The following PLSCR5 variants were observed in gnomAD, a reference collection of about 807,000 sequenced individuals.
PLSCR5 encodes the protein phospholipid scramblase family member 5.
A neutral mutation model predicts 33.6 loss-of-function variants in PLSCR5; 44 were observed. That is an observed-to-expected ratio of 1.31 (90% CI 1.03 to 1.69). The LOEUF (loss-of-function observed/expected upper bound fraction) is 1.69. PLSCR5 is among the 40% of genes most tolerant of loss of function. The pLI, the probability that PLSCR5 is intolerant of heterozygous loss-of-function variation, is 0.00. For synonymous variants in PLSCR5, 148 were observed against 112.3 expected (o/e 1.32, Z -2.01); for missense variants, 375 against 318.7 (o/e 1.18, Z -1.34).
rs780489585 is a variant in PLSCR5 at position 146,591,894 on chromosome 3, A to G, written c.454-13T>C. 6.4e-7 allele frequency: 1 copy of G among 1,563,446 alleles called. No homozygotes were observed. Among genetic ancestry groups the G allele is most frequent in the East Asian group, 2.3e-5 (1 of 44,096 alleles). On this transcript the variant is annotated splice_polypyrimidine_tract_variant and intron_variant, in intron 4 of 7. Transcript: ENST00000443512. ...CTTGGATTTCTAACTGTAAGAAGAG[A>G]TAATGATAAAATAAGATTTTCTTAG...
intron 1 of PLSCR5, among the ~76,000 whole-genome samples, chr3:146,602,497 A>T (rs955754579): frequency 6.6e-6 from 1 of 151,980 alleles, no homozygotes; most frequent in Non-Finnish European, 1.5e-5. Context: ...GAAAGAGAAC[A>T]TTATAGAATC....
At chr3:146,586,168 C>T (rs1446943655) in intron 6 of PLSCR5, 56 bp from the exon 7 acceptor site, 1 of 1,389,068 alleles carries the variant, frequency 7.2e-7, no homozygotes, top group African/African-American at 1.5e-5. Context: ...CAATTAAGAT[C>T]AAAAGTTTGA....
intron 2 of PLSCR5, among the ~76,000 whole-genome samples, chr3:146,599,053 C>G (rs934887136): frequency 6.6e-6 from 1 of 152,170 alleles, no homozygotes; most frequent in African/African-American, 2.4e-5. Flanking sequence ...CTGAAAATTG[C>G]AGCAGATGTG....
At chr3:146,585,834 T>A, downstream of PLSCR5, 1 of 320,750 alleles carries the variant, frequency 3.1e-6, no homozygotes, top group Non-Finnish European at 5.6e-6. Context: ...CACAACTAGA[T>A]AATTGCCTCA....
chr3:146,579,195 G>T (rs913783722), intron 7 of PLSCR5, among the ~76,000 whole-genome samples: 2 of 151,816 alleles, frequency 1.3e-5, no homozygotes, highest in African/African-American at 4.8e-5. Context: ...TTATTAAAAA[G>T]AATTTTTTCT....
downstream of PLSCR5, among the ~76,000 whole-genome samples, chr3:146,581,083 C>T (rs192575408): frequency 1.3e-5 from 2 of 152,256 alleles, no homozygotes; most frequent in East Asian, 3.9e-4. Context: ...TTCTGAAAAT[C>T]AGATAATCAG....
chr3:146,595,238 A>G (rs1299514388), intron 2 of PLSCR5, among the ~76,000 whole-genome samples, 155 bp from the exon 3 acceptor site: 4 of 151,658 alleles, frequency 2.6e-5, no homozygotes, highest in African/African-American at 9.8e-5. Context: ...ACATTTTACA[A>G]TGCAAAAGAA....
intron 2 of PLSCR5, among the ~76,000 whole-genome samples, chr3:146,598,515 A>G (rs2044782575): frequency 6.6e-6 from 1 of 152,152 alleles, no homozygotes; most frequent in South Asian, 2.1e-4. Context: ...TGGAAAATTT[A>G]TTCCATTTTA....
rs1576821302 is a variant in PLSCR5, at chr3:146,594,227, A to G, written c.233-87T>C. The G allele has an allele frequency of 3.3e-6, 3 of 914,036 alleles. No individual in the cohort carries two copies. In the Admixed American group the frequency reaches 7.0e-5, roughly 21 times the overall value. The allele number at this position is 914,036 out of a possible 1,614,324, so 56.6% of individuals were successfully genotyped here. ...AAAGGGGAGATGTTATTAAAAGAAT[A>G]CAGTGTCTGATCAATTATTAAATAT... On this transcript the variant is annotated intron_variant, in intron 3 of 7. Coordinates refer to ENST00000443512, the MANE Select transcript of PLSCR5 (RefSeq NM_001085420.2).
At chr3:146,577,547 C>T (rs2044606671) in intron 7 of PLSCR5, among the ~76,000 whole-genome samples, 3 of 152,006 alleles carry the variant, frequency 2.0e-5, no homozygotes, top group African/African-American at 7.2e-5. Flanking sequence ...TTTTATTTAA[C>T]TGTTTGGTAC....
intron 7 of PLSCR5, among the ~76,000 whole-genome samples, chr3:146,577,178 G>A (rs2044604019): frequency 2.0e-5 from 3 of 152,030 alleles, no homozygotes; most frequent in Admixed American, 6.6e-5. Flanking sequence ...TCCTGCTTCT[G>A]ACCCCTGACC....
At chr3:146,589,958 A>G in intron 5 of PLSCR5, 144 bp from the exon 6 acceptor site, 1 of 519,838 alleles carries the variant, frequency 1.9e-6, no homozygotes, top group Non-Finnish European at 3.1e-6. Flanking sequence ...ATTCCATCAT[A>G]TAAGCATAGG....
intron 6 of PLSCR5, among the ~76,000 whole-genome samples, chr3:146,586,693 T>TG (rs2044668567): frequency 6.6e-6 from 1 of 152,198 alleles, no homozygotes; most frequent in Non-Finnish European, 1.5e-5. Flanking sequence ...GGAGGAGTGG[T>TG]GGGTTGTGAA....
chr3:146,578,608 A>AT (rs946191825), intron 7 of PLSCR5, among the ~76,000 whole-genome samples: 1 of 151,946 alleles, frequency 6.6e-6, no homozygotes. Context: ...CTGAGCATTG[A>AT]TTTTTTTCAT....
downstream of PLSCR5, among the ~76,000 whole-genome samples, chr3:146,582,029 A>T (rs1471071347): frequency 2.0e-5 from 3 of 152,214 alleles, no homozygotes; most frequent in East Asian, 5.8e-4. Flanking sequence ...AAGGCATTAC[A>T]ATTTCAATGA....
chr3:146,590,942 C>T (rs1461816841), intron 5 of PLSCR5, among the ~76,000 whole-genome samples: 2 of 150,116 alleles, frequency 1.3e-5, no homozygotes, highest in Non-Finnish European at 1.5e-5. Context: ...AAATTTACAA[C>T]TTTCTATTTT....
At chr3:146,604,671 C>T (rs113701487) in intron 1 of PLSCR5, among the ~76,000 whole-genome samples, 7,328 of 152,056 alleles carry the variant, frequency 0.048, 178 homozygotes, top group Non-Finnish European at 0.059. Flanking sequence ...AGGCTGAATG[C>T]TTGATGGGAT....
chr3:146,580,735 T>A (rs1434738918), intron 7 of PLSCR5, among the ~76,000 whole-genome samples: 1 of 152,210 alleles, frequency 6.6e-6, no homozygotes, highest in South Asian at 2.1e-4. Context: ...AGTGCTGGGA[T>A]TATAGGCGTG....
intron 1 of PLSCR5, among the ~76,000 whole-genome samples, chr3:146,601,522 G>A (rs2107859995): frequency 6.6e-6 from 1 of 152,200 alleles, no homozygotes; most frequent in Non-Finnish European, 1.5e-5. Flanking sequence ...TCAAATATGA[G>A]AAGGGCCGTT....
Sources: gnomAD v4.1 joint callset for allele counts (sites outside exome capture counted in the v4.1 genomes callset) on GRCh38, gnomAD v4.1.1 for gene constraint, MANE v1.5 for transcripts, NCBI Gene and HGNC (gene_info 2026-07-23, HGNC 2026-07-21) for gene names.